Variants in PRTFDC1 observed in about 807,000 individuals in gnomAD.
PRTFDC1 encodes phosphoribosyltransferase domain-containing protein 1.
In PRTFDC1, 38 loss-of-function variants were observed where a neutral mutation model predicts 34.6. That is an observed-to-expected ratio of 1.10 (90% CI 0.85 to 1.44). The LOEUF (loss-of-function observed/expected upper bound fraction) is 1.44. Among genes scored for constraint, PRTFDC1 ranks in the 40% most tolerant of loss-of-function variants. PRTFDC1 has a pLI of 0.00. For synonymous variants in PRTFDC1, 93 were observed against 98.1 expected, an observed-to-expected ratio of 0.95 and a Z score of 0.31; for missense variants, 270 against 283.0, an observed-to-expected ratio of 0.95 and a Z score of 0.33.
intron 1 of PRTFDC1, chr10:24,951,669 A>T: frequency 2.1e-6 from 2 of 937,986 alleles, no homozygotes; most frequent in Non-Finnish European, 2.5e-6. Flanking sequence ...TTTCACACTG[A>T]ACCTGACACA....
intron 7 of PRTFDC1, among the ~76,000 whole-genome samples, chr10:24,852,263 C>T (rs1380214846): frequency 1.3e-5 from 2 of 152,120 alleles, no homozygotes; most frequent in Non-Finnish European, 2.9e-5. Flanking sequence ...AGCCATTCTC[C>T]TGCCTCAGTT....
chr10:24,898,153 G>T (rs1886995), intron 3 of PRTFDC1, among the ~76,000 whole-genome samples: 18,826 of 151,760 alleles, frequency 0.12, 1,402 homozygotes, highest in East Asian at 0.29. Flanking sequence ...GGTGACTGAT[G>T]GAAAAGAAGA....
chr10:24,926,645 G>A (rs75297851), intron 3 of PRTFDC1, among the ~76,000 whole-genome samples: 3,771 of 152,230 alleles, frequency 0.025, 147 homozygotes, highest in East Asian at 0.087. Flanking sequence ...CACTGCGTCC[G>A]GCCATTTCAT....
chr10:24,873,697 T>G (rs1847915105), intron 3 of PRTFDC1, among the ~76,000 whole-genome samples: 1 of 152,086 alleles, frequency 6.6e-6, no homozygotes. Context: ...GCCAATTCCC[T>G]TAGGAATTTT....
chr10:24,888,377 G>A (rs979870080), intron 3 of PRTFDC1, among the ~76,000 whole-genome samples: 9 of 152,150 alleles, frequency 5.9e-5, no homozygotes, highest in Non-Finnish European at 8.8e-5. Flanking sequence ...ACACCTACCC[G>A]TTTGGGTTGT....
At chr10:24,854,489 A>G (rs894853291) in intron 7 of PRTFDC1, among the ~76,000 whole-genome samples, 6 of 152,216 alleles carry the variant, frequency 3.9e-5, no homozygotes, top group Non-Finnish European at 8.8e-5. Flanking sequence ...CAGCTTGCTG[A>G]AGAGAACTGT....
intron 4 of PRTFDC1, among the ~76,000 whole-genome samples, chr10:24,864,612 A>AT (rs1460919139): frequency 2.6e-5 from 4 of 152,168 alleles, no homozygotes; most frequent in African/African-American, 9.7e-5. Flanking sequence ...TATGTGCCTT[A>AT]TTTTTTAGAC....
intron 3 of PRTFDC1, among the ~76,000 whole-genome samples, chr10:24,936,185 C>G (rs74404808): frequency 6.6e-6 from 1 of 152,162 alleles, no homozygotes; most frequent in South Asian, 2.1e-4. Flanking sequence ...GAGCTCCTCA[C>G]CCAATAGTAA....
At chr10:24,852,301 T>C (rs1847504676) in intron 7 of PRTFDC1, among the ~76,000 whole-genome samples, 2 of 152,044 alleles carry the variant, frequency 1.3e-5, no homozygotes, top group South Asian at 4.1e-4. Context: ...GACAGACGTG[T>C]GCCACCATGC....
intron 3 of PRTFDC1, among the ~76,000 whole-genome samples, chr10:24,875,095 T>C (rs1158902044): frequency 6.6e-6 from 1 of 152,178 alleles, no homozygotes; most frequent in African/African-American, 2.4e-5. Context: ...CTTTCCTCTA[T>C]AAATTACCCA....
intron 4 of PRTFDC1, among the ~76,000 whole-genome samples, chr10:24,861,969 A>G (rs1023453820): frequency 1.3e-5 from 2 of 151,932 alleles, no homozygotes; most frequent in Admixed American, 6.6e-5. Context: ...GAAAGTGCAC[A>G]TATTTCCTTA....
intron 3 of PRTFDC1, among the ~76,000 whole-genome samples, chr10:24,879,335 T>C (rs1030099569): frequency 1.3e-5 from 2 of 151,860 alleles, no homozygotes; most frequent in African/African-American, 2.4e-5. Flanking sequence ...CTGTCTCTGT[T>C]GTATTTGCTG....
chr10:24,951,467 G>A (rs1354794941), intron 1 of PRTFDC1: 9 of 692,866 alleles, frequency 1.3e-5, no homozygotes, highest in Non-Finnish European at 1.6e-5. Flanking sequence ...GAAAGGTCCT[G>A]CTGTTAAATT....
chr10:24,881,069 C>CTTCTTTCT (rs142062779), intron 3 of PRTFDC1, among the ~76,000 whole-genome samples: 2 of 137,382 alleles, frequency 1.5e-5, no homozygotes, highest in African/African-American at 2.8e-5. Context: ...TCCTTCCTTC[C>CTTCTTTCT]TTCTTTCTTT....
At chr10:24,899,194 C>T (rs148774357) in intron 3 of PRTFDC1, among the ~76,000 whole-genome samples, 1 of 152,230 alleles carries the variant, frequency 6.6e-6, no homozygotes, top group African/African-American at 2.4e-5. Flanking sequence ...AATGGAATAC[C>T]ACCGTTGGGG....
At chr10:24,872,280 G>C (rs1847883731) in intron 3 of PRTFDC1, among the ~76,000 whole-genome samples, 2 of 152,190 alleles carry the variant, frequency 1.3e-5, no homozygotes, top group African/African-American at 4.8e-5. Flanking sequence ...GAGAGGCTGG[G>C]TGTGCAGGGG....
intron 3 of PRTFDC1, among the ~76,000 whole-genome samples, chr10:24,880,262 T>C (rs1178529205): frequency 1.3e-5 from 2 of 151,898 alleles, no homozygotes; most frequent in African/African-American, 2.4e-5. Context: ...TTTTCTTTTT[T>C]TTTTTGTTGA....
intron 4 of PRTFDC1, 64 bp from the exon 5 acceptor site, chr10:24,858,473 AT>A: frequency 2.6e-6 from 4 of 1,542,936 alleles, no homozygotes; most frequent in Non-Finnish European, 3.6e-6. Context: ...ATACATACAC[AT>A]TTTTTTGCTT....
At chr10:24,949,715 G>GTTTGTTTATTTA (rs1275659148) in intron 1 of PRTFDC1, among the ~76,000 whole-genome samples, 1 of 144,060 alleles carries the variant, frequency 6.9e-6, no homozygotes, top group African/African-American at 2.6e-5. Context: ...CATTTTTTTT[G>GTTTGTTTATTTA]TTTATTTATT....
Sources: gnomAD v4.1 joint callset for allele counts (sites outside exome capture counted in the v4.1 genomes callset) on GRCh38, gnomAD v4.1.1 for gene constraint, MANE v1.5 for transcripts, NCBI Gene and HGNC (gene_info 2026-07-23, HGNC 2026-07-21) for gene names.